CUX2: variants seen among roughly 807,000 people sequenced by gnomAD.
The protein encoded by CUX2 is cut like homeobox 2.
In CUX2, 40 loss-of-function variants were observed where a neutral mutation model predicts 144.8. The observed-to-expected ratio is 0.28, with a 90% confidence interval of 0.21 to 0.36. The LOEUF is 0.36. Among genes scored for constraint, CUX2 ranks in the 10% least tolerant of loss-of-function variants. The pLI is 1.00. For synonymous variants in CUX2, 827 were observed against 875.6 expected (o/e 0.94, Z 0.98); for missense variants, 1,615 against 1,994.0 (o/e 0.81, Z 3.62).
At chr12:111,137,084 C>A (rs1398034136) in intron 1 of CUX2, among the ~76,000 whole-genome samples, 1 of 151,316 alleles carries the variant, frequency 6.6e-6, no homozygotes, top group Non-Finnish European at 1.5e-5. Flanking sequence ...ACCACAGGCA[C>A]GAGCCACCAC....
intron 16 of CUX2, among the ~76,000 whole-genome samples, chr12:111,316,068 T>C (rs796545787): frequency 6.6e-6 from 1 of 151,876 alleles, no homozygotes; most frequent in Non-Finnish European, 1.5e-5. Context: ...TTTTGCATGC[T>C]CCTCTGTGCT....
At chr12:111,135,830 GGA>G (rs1374553132) in intron 1 of CUX2, among the ~76,000 whole-genome samples, 1 of 152,236 alleles carries the variant, frequency 6.6e-6, no homozygotes, top group Non-Finnish European at 1.5e-5. Flanking sequence ...GCTGGGGAAA[GGA>G]GAATGGGAAA....
chr12:111,106,673 C>T (rs1387228803), intron 1 of CUX2, among the ~76,000 whole-genome samples: 1 of 152,222 alleles, frequency 6.6e-6, no homozygotes, highest in African/African-American at 2.4e-5. Flanking sequence ...TAGATTTTGA[C>T]TGAGGCAATC....
intron 2 of CUX2, among the ~76,000 whole-genome samples, chr12:111,216,400 C>T (rs942613258): frequency 2.6e-5 from 4 of 152,182 alleles, no homozygotes; most frequent in Non-Finnish European, 4.4e-5. Flanking sequence ...AGAGGTCTCC[C>T]GCCATCACAT....
At position 111,217,876 on chromosome 12, in the gene CUX2, G is replaced by T. The variant is rs750419179; in HGVS notation, c.175-14G>T. ...CTGGCACTGTAGTGAACTCTTTGCT[G>T]ATCTCTTTTTCAGGAAATCAGAGAG... On this transcript the variant is annotated splice_polypyrimidine_tract_variant and intron_variant, in intron 2 of 21. Transcript: ENST00000261726. 6.2e-7 allele frequency: 1 copy of T among 1,613,992 alleles called. No homozygotes were observed. The highest frequency in any genetic ancestry group is 8.5e-7 in the Non-Finnish European group (1 of 1,180,014).
In CUX2 at chr12:111,154,369, C is replaced by G. The variant is rs567042783; in HGVS notation, c.64-59831C>G. On this transcript the variant is annotated intron_variant, in intron 1 of 21. Transcript: ENST00000261726. Reference sequence around the variant, plus strand: ...CACATGTTTGCGGCAATCTGATTGTCATGCAGTCCACCAGGCAGGAGCCCA... The same window carrying G: ...CACATGTTTGCGGCAATCTGATTGTGATGCAGTCCACCAGGCAGGAGCCCA... Among the ~76,000 whole-genome samples, 5 of 152,264 alleles carry G rather than the reference C, an allele frequency of 3.3e-5. No individual in the cohort carries two copies. In the South Asian group the frequency reaches 1.0e-3, roughly 32 times the overall value.
chr12:111,328,542 T>C (rs1887922030), intron 18 of CUX2, among the ~76,000 whole-genome samples: 1 of 151,918 alleles, frequency 6.6e-6, no homozygotes, highest in Non-Finnish European at 1.5e-5. Flanking sequence ...CTTCCCTCTG[T>C]CTCTCTCCTG....
intron 3 of CUX2, among the ~76,000 whole-genome samples, chr12:111,239,579 G>A (rs1455091896): frequency 1.3e-5 from 2 of 152,298 alleles, no homozygotes; most frequent in South Asian, 2.1e-4. Context: ...CTGGCTGTAG[G>A]GATGGCATTT....
chr12:111,252,422 G>A (rs1264371301), intron 3 of CUX2, among the ~76,000 whole-genome samples: 2 of 152,120 alleles, frequency 1.3e-5, no homozygotes, highest in African/African-American at 2.4e-5. Context: ...TTCCTACCCT[G>A]CTATTTGCTT....
rs1235091128 is a variant in CUX2 at position 111,312,014 on chromosome 12, G to A, written c.1901-86G>A. The A allele has an allele frequency of 1.8e-6, 2 of 1,115,764 alleles. No individual in the cohort carries two copies. Among genetic ancestry groups the A allele is most frequent in the Non-Finnish European group, 2.6e-6 (2 of 769,024 alleles). The allele number at this position is 1,115,764 out of a possible 1,614,324, so 69.1% of individuals were successfully genotyped here. On this transcript the variant is annotated intron_variant, in intron 15 of 21. Coordinates refer to ENST00000261726, the MANE Select transcript of CUX2 (RefSeq NM_015267.4). The surrounding 1 kb of genome is among the most constrained non-coding windows in gnomAD (Gnocchi z 4.3). ...GGTCTGACCCTCACTCTTCTGGGAG[G>A]AGGAGACAGCCCCCCTACCCCACCA...
intron 1 of CUX2, among the ~76,000 whole-genome samples, chr12:111,169,961 C>A (rs1878414831): frequency 6.6e-6 from 1 of 152,154 alleles, no homozygotes; most frequent in African/African-American, 2.4e-5. Flanking sequence ...TTGTGTGTGG[C>A]AGCTGTGGAT....
rs139389904 is a variant in CUX2, at chr12:111,097,553, T to TA, written c.63+63314dup. Among the ~76,000 whole-genome samples, 973 of 152,274 alleles carry TA rather than the reference T, an allele frequency of 6.4e-3. 12 individuals carry two copies. Among genetic ancestry groups the TA allele is most frequent in the African/African-American group, 0.022 (917 of 41,552 alleles). ...TATTAATCACAGCAGCAATAACTAA[T>TA]ACATATTCATGTGCCTACCCGGGGC... On this transcript the variant is annotated intron_variant, in intron 1 of 21. Coordinates refer to ENST00000261726, the MANE Select transcript of CUX2 (RefSeq NM_015267.4).
intron 20 of CUX2, among the ~76,000 whole-genome samples, chr12:111,340,193 C>T (rs1056582495): frequency 2.0e-5 from 3 of 151,876 alleles, no homozygotes; most frequent in African/African-American, 7.3e-5. Context: ...AGCGAGACTC[C>T]ATCTAAAAAA....
rs12099946 is a variant in CUX2, at chr12:111,045,161, T to C, written c.63+10921T>C. The stretch of plus-strand genomic sequence containing the variant: ...GCCCACTGGATCATCCCAGCAGGCA[T>C]GAGAAAGCGGCCTGGGTCTCTGGAC... On this transcript the variant is annotated intron_variant, in intron 1 of 21. Coordinates refer to ENST00000261726, the MANE Select transcript of CUX2 (RefSeq NM_015267.4). Among the ~76,000 whole-genome samples, 11 of 152,302 alleles carry C rather than the reference T, an allele frequency of 7.2e-5. No homozygotes were observed. The East Asian group carries it at 1.9e-3, about 27-fold the overall frequency.
chr12:111,201,125 C>T (rs1345720919), intron 1 of CUX2, among the ~76,000 whole-genome samples: 1 of 152,174 alleles, frequency 6.6e-6, no homozygotes, highest in Non-Finnish European at 1.5e-5. Flanking sequence ...CACCTTCAGC[C>T]TCCCTGGCCG....
In CUX2 at chr12:111,287,549, A is replaced by T. The variant is rs1293018972; in HGVS notation, c.302-3869A>T. Among the ~76,000 whole-genome samples, 1 of 152,278 alleles carries T rather than the reference A, an allele frequency of 6.6e-6. No individual in the cohort carries two copies. Among genetic ancestry groups the T allele is most frequent in the Non-Finnish European group, 1.5e-5 (1 of 68,042 alleles). ...GGACTCATTAGCATGCACACAACAAATAATTATAGATGAATTTTTAGCTGG... is the reference window on the plus strand; with the variant it reads ...GGACTCATTAGCATGCACACAACAATTAATTATAGATGAATTTTTAGCTGG... On this transcript the variant is annotated intron_variant, in intron 4 of 21. Coordinates refer to ENST00000261726, the MANE Select transcript of CUX2 (RefSeq NM_015267.4). The surrounding 1 kb of genome is among the most constrained non-coding windows in gnomAD (Gnocchi z 4.2).
intron 4 of CUX2, among the ~76,000 whole-genome samples, chr12:111,279,711 C>T (rs1415720462): frequency 6.6e-6 from 1 of 151,986 alleles, no homozygotes; most frequent in East Asian, 1.9e-4. Context: ...GAGCTGGGCT[C>T]GGTGGCTCAT....
In CUX2 at chr12:111,289,725, T is replaced by C. The variant is rs1885573296; in HGVS notation, c.302-1693T>C. Among the ~76,000 whole-genome samples the C allele has an allele frequency of 6.6e-6, 1 of 151,618 alleles. No individual in the cohort carries two copies. Among genetic ancestry groups the C allele is most frequent in the Non-Finnish European group, 1.5e-5 (1 of 67,896 alleles). On this transcript the variant is annotated intron_variant, in intron 4 of 21. Coordinates refer to ENST00000261726, the MANE Select transcript of CUX2 (RefSeq NM_015267.4). The surrounding 1 kb of genome is among the most constrained non-coding windows in gnomAD (Gnocchi z 4.1). ...TGGACATCTTACATCTAGATGTGTG[T>C]TTTGCCCCCGAAAAAGTCCTTAACC...
intron 1 of CUX2, among the ~76,000 whole-genome samples, chr12:111,043,443 G>A (rs531124025): frequency 5.3e-5 from 8 of 152,122 alleles, no homozygotes; most frequent in Non-Finnish European, 1.0e-4. Flanking sequence ...AGAAGATTCT[G>A]AGCAGGTTAC....
Sources: gnomAD v4.1 joint callset for allele counts (sites outside exome capture counted in the v4.1 genomes callset) on GRCh38, gnomAD v4.1.1 for gene constraint, Gnocchi (gnomAD v3.1) non-coding constraint, MANE v1.5 for transcripts, NCBI Gene and HGNC (gene_info 2026-07-23, HGNC 2026-07-21) for gene names.